TRPC7: variants seen among roughly 807,000 people sequenced by gnomAD.
The protein encoded by TRPC7 is transient receptor potential cation channel subfamily C member 7.
TRPC7 carries 42 observed loss-of-function variants against 90.1 expected under a neutral mutation model. The ratio of observed to expected loss-of-function variants is 0.47; its 90% confidence interval spans 0.36 to 0.60. The LOEUF (loss-of-function observed/expected upper bound fraction) is 0.60, where lower values mean the gene tolerates loss of function less well. TRPC7 is among the 20% of genes least tolerant of loss of function. The pLI is 0.00. For missense variants in TRPC7, 955 were observed against 1,112.3 expected (o/e 0.86, Z 2.01); for synonymous variants, 451 against 436.3 (o/e 1.03, Z -0.42).
chr5:136,263,548 A>T (rs1287813184), intron 5 of TRPC7, among the ~76,000 whole-genome samples: 1 of 152,228 alleles, frequency 6.6e-6, no homozygotes, highest in Non-Finnish European at 1.5e-5. Context: ...CAAAACAGTT[A>T]TTGTAAATGT....
At chr5:136,332,059 G>C (rs1393133838) in intron 2 of TRPC7, among the ~76,000 whole-genome samples, 1 of 152,110 alleles carries the variant, frequency 6.6e-6, no homozygotes, top group South Asian at 2.1e-4. Context: ...GAGAGAGAGT[G>C]CTATTTTATA....
At chr5:136,362,625 C>G (rs551243180) in intron 1 of TRPC7, among the ~76,000 whole-genome samples, 16 of 152,198 alleles carry the variant, frequency 1.1e-4, no homozygotes, top group Admixed American at 9.8e-4. Context: ...ATTAATTAAC[C>G]ACTTTTCCGA....
chr5:136,305,554 A>G (rs1758591848), intron 3 of TRPC7, among the ~76,000 whole-genome samples: 2 of 152,082 alleles, frequency 1.3e-5, no homozygotes, highest in Non-Finnish European at 1.5e-5. Context: ...AACATGCCCC[A>G]ACTCAGCAAA....
In TRPC7 at chr5:136,312,972, C is replaced by CTTT. The variant is rs34840823; in HGVS notation, c.963+2622_963+2624dup. Among the ~76,000 whole-genome samples, 300 of 97,012 alleles carry CTTT rather than the reference C, an allele frequency of 3.1e-3. 5 individuals carry two copies. Among genetic ancestry groups the CTTT allele is most frequent in the African/African-American group, 3.8e-3 (99 of 26,026 alleles). The allele number at this position is 97,012 out of a possible 152,430, so 63.6% of individuals were successfully genotyped here. ...TCCTTTATCTATTAGAGTAGTGATT[C>CTTT]TTTTTTTTTTTTTTTTTTTTTTTTA... On this transcript the variant is annotated intron_variant, in intron 3 of 11. Transcript: ENST00000513104.
At chr5:136,242,875 G>T (rs1756214132) in intron 7 of TRPC7, among the ~76,000 whole-genome samples, 1 of 152,200 alleles carries the variant, frequency 6.6e-6, no homozygotes, top group African/African-American at 2.4e-5. Flanking sequence ...GAAAACCACT[G>T]CTCTGTTAAG....
intron 5 of TRPC7, among the ~76,000 whole-genome samples, chr5:136,265,712 A>G (rs1004316326): frequency 6.6e-6 from 1 of 152,210 alleles, no homozygotes; most frequent in Admixed American, 6.5e-5. Context: ...GAGGAATTTC[A>G]TAGCCTTTTA....
chr5:136,258,175 T>A (rs1354432447), intron 5 of TRPC7, among the ~76,000 whole-genome samples: 1 of 152,212 alleles, frequency 6.6e-6, no homozygotes, highest in Non-Finnish European at 1.5e-5. Context: ...ACTTCCTCCA[T>A]GGTCAAATGT....
intron 3 of TRPC7, among the ~76,000 whole-genome samples, chr5:136,312,936 T>C (rs1025481591): frequency 1.3e-5 from 2 of 150,494 alleles, no homozygotes; most frequent in African/African-American, 4.9e-5. Context: ...GGTCATGTAA[T>C]ACATATTGTA....
intron 3 of TRPC7, among the ~76,000 whole-genome samples, chr5:136,305,244 C>G (rs1179620569): frequency 6.6e-6 from 1 of 152,046 alleles, no homozygotes; most frequent in African/African-American, 2.4e-5. Flanking sequence ...CCCCATTTCC[C>G]CATATTTCCT....
chr5:136,341,486 C>G (rs900540010), intron 2 of TRPC7, among the ~76,000 whole-genome samples: 1 of 151,846 alleles, frequency 6.6e-6, no homozygotes, highest in Non-Finnish European at 1.5e-5. Flanking sequence ...CACACACACA[C>G]ACACACCTAT....
At chr5:136,279,679 T>G (rs962129512) in intron 3 of TRPC7, among the ~76,000 whole-genome samples, 1 of 152,194 alleles carries the variant, frequency 6.6e-6, no homozygotes, top group Non-Finnish European at 1.5e-5. Context: ...TCCACCCCAC[T>G]GGAGGCTATG....
intron 1 of TRPC7, among the ~76,000 whole-genome samples, chr5:136,362,370 A>G (rs1760593435): frequency 6.6e-6 from 1 of 152,188 alleles, no homozygotes; most frequent in African/African-American, 2.4e-5. Flanking sequence ...ATTTAACATT[A>G]TAGATACTCA....
chr5:136,328,415 T>G (rs1408358442), intron 2 of TRPC7, among the ~76,000 whole-genome samples: 1 of 152,226 alleles, frequency 6.6e-6, no homozygotes, highest in Non-Finnish European at 1.5e-5. Context: ...TCCAAAGGGA[T>G]CGCTGTGTCC....
intron 4 of TRPC7, among the ~76,000 whole-genome samples, chr5:136,272,785 CCA>C (rs1481204938): frequency 6.6e-6 from 1 of 152,160 alleles, no homozygotes; most frequent in African/African-American, 2.4e-5. Flanking sequence ...ACTGTTTCCT[CCA>C]GAGTGTTCCA....
At chr5:136,278,198 C>T (rs968182310) in intron 3 of TRPC7, among the ~76,000 whole-genome samples, 1 of 152,244 alleles carries the variant, frequency 6.6e-6, no homozygotes, top group Non-Finnish European at 1.5e-5. Context: ...AATTCTTAGT[C>T]ACTCCCTTTA....
At chr5:136,274,370 A>G (rs2149815279) in intron 4 of TRPC7, among the ~76,000 whole-genome samples, 1 of 152,282 alleles carries the variant, frequency 6.6e-6, no homozygotes, top group East Asian at 1.9e-4. Context: ...TGCTTAGGAC[A>G]TTGCATAATT....
chr5:136,221,726 T>C (rs540190905), intron 10 of TRPC7, among the ~76,000 whole-genome samples: 237 of 152,210 alleles, frequency 1.6e-3, no homozygotes, highest in Non-Finnish European at 2.7e-3. Flanking sequence ...ATAGAAGAAA[T>C]AGGCACTGGC....
At chr5:136,254,350 G>C (rs1756620659) in intron 5 of TRPC7, among the ~76,000 whole-genome samples, 1 of 152,168 alleles carries the variant, frequency 6.6e-6, no homozygotes, top group Non-Finnish European at 1.5e-5. Context: ...GTGTAGGGCA[G>C]GCTGACTCTC....
intron 2 of TRPC7, among the ~76,000 whole-genome samples, chr5:136,355,804 GA>G (rs200907040): frequency 3.3e-4 from 49 of 150,618 alleles, no homozygotes; most frequent in African/African-American, 9.7e-4. Flanking sequence ...CCTCAAAAAG[GA>G]AAAAAAAATT....
Sources: gnomAD v4.1 joint callset for allele counts (sites outside exome capture counted in the v4.1 genomes callset) on GRCh38, gnomAD v4.1.1 for gene constraint, MANE v1.5 for transcripts, NCBI Gene and HGNC (gene_info 2026-07-23, HGNC 2026-07-21) for gene names.